HTR1E: variants seen among roughly 807,000 people sequenced by gnomAD.
HTR1E encodes 5-hydroxytryptamine receptor 1E.
A neutral mutation model predicts 3.4 loss-of-function variants in HTR1E; 3 were observed. That is an observed-to-expected ratio of 0.89 (90% confidence interval 0.41 to 2.31). HTR1E has a LOEUF of 2.31. Ranked by LOEUF, HTR1E falls within the 30% of genes most tolerant of loss-of-function variation. The pLI is 0.05. For missense variants in HTR1E, 392 were observed against 467.0 expected (o/e 0.84, Z 1.48); for synonymous variants, 170 against 182.8 (o/e 0.93, Z 0.56).
intron 1 of HTR1E, among the ~76,000 whole-genome samples, chr6:86,954,486 G>A (rs958922380): frequency 6.6e-6 from 1 of 152,142 alleles, no homozygotes; most frequent in Non-Finnish European, 1.5e-5. Flanking sequence ...GGATTTGATT[G>A]TCCCAGATTT....
chr6:86,937,659 G>A lies in HTR1E; in HGVS notation c.-350G>A, dbSNP rs1446960578. The A allele has an allele frequency of 6.5e-6, 1 of 152,818 alleles. No homozygotes were observed. The highest frequency in any genetic ancestry group is 1.9e-4 in the East Asian group (1 of 5,202). The allele number at this position is 152,818 out of a possible 1,614,324, so 9.5% of individuals were successfully genotyped here. The stretch of plus-strand genomic sequence containing the variant: ...CACTGGCGCGGGCAAGGACGCTGGC[G>A]GGGAGAACGCCCTGGGCTCAACGTA... On this transcript the variant is annotated 5_prime_UTR_variant, in exon 1 of 2. Coordinates refer to ENST00000305344, the MANE Select transcript of HTR1E (RefSeq NM_000865.3).
At chr6:86,975,339 T>C (rs1582268247) in intron 1 of HTR1E, among the ~76,000 whole-genome samples, 2 of 152,330 alleles carry the variant, frequency 1.3e-5, no homozygotes, top group South Asian at 2.1e-4. Context: ...CTTCCATATA[T>C]GTCTCCCATC....
At chr6:87,014,456 G>A (rs1768286040) in intron 1 of HTR1E, among the ~76,000 whole-genome samples, 2 of 151,922 alleles carry the variant, frequency 1.3e-5, no homozygotes, top group South Asian at 4.2e-4. Flanking sequence ...CTATTACTGG[G>A]TATATACCCA....
rs866805245 is a variant in HTR1E at position 87,009,857 on chromosome 6, G to T, written c.-185-5293G>T. 2.7e-5 allele frequency among the ~76,000 whole-genome samples: 3 copies of T among 111,848 alleles called. No homozygotes were observed. The East Asian group carries it at 1.1e-3, about 39-fold the overall frequency. 73.4% of individuals were successfully genotyped at this position (111,848 alleles called of 152,430 possible). ...ACTGACCCCCCCCCACCTCCCTCCC[G>T]GACGGGGCGGCTGGCCGGGCGGGGG... On this transcript the variant is annotated intron_variant, in intron 1 of 1. Coordinates refer to ENST00000305344, the MANE Select transcript of HTR1E (RefSeq NM_000865.3).
intron 1 of HTR1E, among the ~76,000 whole-genome samples, chr6:86,997,597 T>C (rs1438437612): frequency 1.3e-5 from 2 of 151,784 alleles, no homozygotes; most frequent in Non-Finnish European, 3.0e-5. Context: ...GCAATTATTC[T>C]AAAATAAAAT....
intron 1 of HTR1E, among the ~76,000 whole-genome samples, chr6:87,010,149 C>T (rs1302105587): frequency 2.4e-5 from 3 of 123,290 alleles, no homozygotes; most frequent in Non-Finnish European, 5.1e-5. Flanking sequence ...CAGAGGCGCC[C>T]CTCACCTCCC....
At chr6:86,996,167 A>G (rs1400882638) in intron 1 of HTR1E, among the ~76,000 whole-genome samples, 1 of 152,184 alleles carries the variant, frequency 6.6e-6, no homozygotes, top group Non-Finnish European at 1.5e-5. Flanking sequence ...CAGCAGAATA[A>G]TCATTCTTTT....
chr6:86,968,266 A>G (rs998221346), intron 1 of HTR1E, among the ~76,000 whole-genome samples: 6 of 152,346 alleles, frequency 3.9e-5, no homozygotes, highest in Admixed American at 3.3e-4. Context: ...CTGCTATTAC[A>G]AACAATAATT....
At chr6:87,005,685 G>A (rs1768092889) in intron 1 of HTR1E, among the ~76,000 whole-genome samples, 1 of 152,130 alleles carries the variant, frequency 6.6e-6, no homozygotes, top group Non-Finnish European at 1.5e-5. Context: ...TCTGGACAAA[G>A]ATTTCTTGAG....
At chr6:87,015,009 A>C in intron 1 of HTR1E, 141 bp from the exon 2 acceptor site, 1 of 171,234 alleles carries the variant, frequency 5.8e-6, no homozygotes, top group Non-Finnish European at 1.2e-5. Flanking sequence ...CCTTTGAGGA[A>C]CAATGTAACG....
chr6:86,959,858 G>C (rs1241815065), intron 1 of HTR1E, among the ~76,000 whole-genome samples: 2 of 152,180 alleles, frequency 1.3e-5, no homozygotes. Context: ...AGCGCATATA[G>C]ATAAAGCTGC....
chr6:86,995,688 G>GAAAAAAAAAAAAA (rs58476122), intron 1 of HTR1E, among the ~76,000 whole-genome samples: 2 of 55,204 alleles, frequency 3.6e-5, no homozygotes, highest in Non-Finnish European at 7.6e-5. Context: ...AAAAAAAAAA[G>GAAAAAAAAAAAAA]AAAAAAAAAA....
chr6:87,015,470 G>A lies in HTR1E; in HGVS notation c.136G>A (p.Ala46Thr), dbSNP rs778037188. 6.2e-7 allele frequency: 1 copy of A among 1,614,002 alleles called. No individual in the cohort carries two copies. Among genetic ancestry groups the A allele is most frequent in the Non-Finnish European group, 8.5e-7 (1 of 1,179,996 alleles). The change falls in exon 2 of 2, where the codon GCT (alanine) becomes ACT (threonine). Residue 46 changes from alanine (A) to threonine (T), a missense_variant. Physicochemically the swap from Ala to Thr is moderately conservative, Grantham distance 58 (BLOSUM62 0). This residue lies in a region of HTR1E where 189 missense variants were observed against 258.0 expected (regional missense o/e 0.73). Transcript: ENST00000305344. The part of the protein sequence containing the change: ...TTLLNLAVIM[A>T]IGTTKKLHQP... ...GTTGCTGAACTTGGCTGTGATCATG[G>A]CTATTGGCACCACCAAGAAGCTCCA...
Position 86,969,168 on chromosome 6 carries a change from G to T in HTR1E, c.-186+31345G>T, listed in dbSNP as rs567822069. Among the ~76,000 whole-genome samples the T allele has an allele frequency of 8.3e-4, 126 of 152,216 alleles. 2 individuals carry two copies. The highest frequency in any genetic ancestry group is 2.8e-3 in the African/African-American group (117 of 41,538). ...CTAGGTTAATTCACTAGAGTTGATGGTTGATAATAACCTACTGAATCCAAG... is the reference window on the plus strand; with the variant it reads ...CTAGGTTAATTCACTAGAGTTGATGTTTGATAATAACCTACTGAATCCAAG... On this transcript the variant is annotated intron_variant, in intron 1 of 1. Transcript: ENST00000305344.
intron 1 of HTR1E, among the ~76,000 whole-genome samples, chr6:86,949,345 G>C (rs112737711): frequency 6.6e-6 from 1 of 152,314 alleles, no homozygotes; most frequent in Non-Finnish European, 1.5e-5. Context: ...TAATTACTAC[G>C]TAAGTGTGTC....
intron 1 of HTR1E, among the ~76,000 whole-genome samples, chr6:86,955,731 A>T (rs62440833): frequency 0.15 from 23,134 of 151,580 alleles, 2,213 homozygotes; most frequent in African/African-American, 0.27. Context: ...AGTGAGAGAG[A>T]GTGTGTGTGT....
At chr6:86,990,484 A>G (rs941243922) in intron 1 of HTR1E, among the ~76,000 whole-genome samples, 1 of 152,186 alleles carries the variant, frequency 6.6e-6, no homozygotes, top group African/African-American at 2.4e-5. Context: ...ACAGTCTAAT[A>G]AAAGAAATGG....
intron 1 of HTR1E, among the ~76,000 whole-genome samples, chr6:86,980,380 C>G (rs1767695042): frequency 7.8e-6 from 1 of 128,276 alleles, no homozygotes; most frequent in South Asian, 2.3e-4. Context: ...GAGCGAGACT[C>G]TGTCTCAAAA....
At chr6:86,960,416 G>A (rs981890864) in intron 1 of HTR1E, among the ~76,000 whole-genome samples, 5 of 152,300 alleles carry the variant, frequency 3.3e-5, no homozygotes, top group South Asian at 2.1e-4. Context: ...TTGCATTGGG[G>A]ATTAAATTTC....
Sources: allele counts gnomAD v4.1 joint callset (sites outside exome capture counted in the v4.1 genomes callset), GRCh38; gene constraint gnomAD v4.1.1; regional missense constraint gnomAD v4.1.1; transcripts MANE v1.5; gene names NCBI Gene and HGNC (gene_info 2026-07-23, HGNC 2026-07-21).